ACOXL: variants seen among roughly 807,000 people sequenced by gnomAD.
The protein encoded by ACOXL is acyl-CoA oxidase like.
ACOXL carries 70 observed loss-of-function variants against 71.9 expected under a neutral mutation model. The ratio of observed to expected loss-of-function variants is 0.97; its 90% CI spans 0.80 to 1.19. ACOXL has a LOEUF of 1.19. ACOXL is among the 50% of genes most tolerant of loss of function. The pLI, the probability that ACOXL is intolerant of heterozygous loss-of-function variation, is 0.00. For synonymous variants in ACOXL, 253 were observed against 281.6 expected (o/e 0.90, Z 1.02); for missense variants, 703 against 736.3 (o/e 0.95, Z 0.52).
intron 16 of ACOXL, 92 bp from the exon 17 acceptor site, chr2:111,092,773 A>T: frequency 1.1e-6 from 1 of 874,830 alleles, no homozygotes; most frequent in Non-Finnish European, 1.9e-6. Flanking sequence ...ATGAAATGTA[A>T]TATTATGTTA....
At chr2:110,932,449 A>C (rs945376115) in intron 11 of ACOXL, among the ~76,000 whole-genome samples, 1 of 152,332 alleles carries the variant, frequency 6.6e-6, no homozygotes, top group South Asian at 2.1e-4. Context: ...TAAAGCAAAA[A>C]TAGGCATGAG....
chr2:110,873,908 G>C (rs1695574812), intron 10 of ACOXL, among the ~76,000 whole-genome samples: 1 of 152,222 alleles, frequency 6.6e-6, no homozygotes, highest in Non-Finnish European at 1.5e-5. Flanking sequence ...ACCAGTGTAT[G>C]AGGCTGAGGA....
At chr2:111,108,939 G>T (rs953156820) in intron 17 of ACOXL, among the ~76,000 whole-genome samples, 25 of 152,186 alleles carry the variant, frequency 1.6e-4, no homozygotes, top group African/African-American at 5.8e-4. Context: ...GATATTTGAT[G>T]ATTCATTCCT....
intron 14 of ACOXL, among the ~76,000 whole-genome samples, chr2:111,010,653 T>G (rs2064107905): frequency 6.6e-6 from 1 of 152,078 alleles, no homozygotes; most frequent in Non-Finnish European, 1.5e-5. Context: ...CATAGTATAA[T>G]TGCTGAAAAC....
chr2:110,839,973 T>TTTGTTGTTGTTGTTGTTTG (rs1553560154), intron 9 of ACOXL, among the ~76,000 whole-genome samples: 37 of 151,870 alleles, frequency 2.4e-4, no homozygotes, highest in African/African-American at 8.2e-4. Context: ...GATGCTTAGG[T>TTTGTTGTTGTTGTTGTTTG]TTGTTGTTGT....
intron 12 of ACOXL, among the ~76,000 whole-genome samples, chr2:110,986,119 A>G (rs2062921498): frequency 6.6e-6 from 1 of 152,262 alleles, no homozygotes. Context: ...TTAGTTAGCT[A>G]TGATTTATCA....
chr2:110,931,270 T>C (rs1473157041), intron 11 of ACOXL, among the ~76,000 whole-genome samples: 1 of 152,226 alleles, frequency 6.6e-6, no homozygotes, highest in Non-Finnish European at 1.5e-5. Flanking sequence ...AGCTGGAAGT[T>C]TGGCTGGGGC....
At chr2:111,101,217 T>C (rs1239199010) in intron 17 of ACOXL, 1 of 152,574 alleles carries the variant, frequency 6.6e-6, no homozygotes, top group Non-Finnish European at 1.5e-5. Flanking sequence ...CAGTCACTGC[T>C]TAGTGTCACA....
At chr2:110,968,498 A>T in intron 12 of ACOXL, 1 of 1,314,310 alleles carries the variant, frequency 7.6e-7, no homozygotes, top group Non-Finnish European at 1.1e-6. Context: ...TACAAGAAAC[A>T]GTTCTCTCAA....
chr2:110,952,010 G>T (rs1211273044), intron 12 of ACOXL, among the ~76,000 whole-genome samples: 1 of 152,108 alleles, frequency 6.6e-6, no homozygotes, highest in Non-Finnish European at 1.5e-5. Context: ...TGACTTGAGG[G>T]TGTTTCTTAT....
chr2:110,901,802 G>C (rs920856266), intron 10 of ACOXL, among the ~76,000 whole-genome samples: 6 of 152,064 alleles, frequency 3.9e-5, no homozygotes, highest in African/African-American at 1.4e-4. Context: ...GAGGTGGGTG[G>C]ATCACTTGAA....
At chr2:111,099,973 C>G (rs1442825870) in intron 17 of ACOXL, 2 of 152,222 alleles carry the variant, frequency 1.3e-5, no homozygotes, top group Non-Finnish European at 2.9e-5. Flanking sequence ...TAATCTCTTA[C>G]TTTATTTTAC....
Position 110,896,290 on chromosome 2 carries a change from T to A in ACOXL, c.789-12499T>A, listed in dbSNP as rs149966586. On this transcript the variant is annotated intron_variant, in intron 10 of 17. Coordinates refer to ENST00000439055, the MANE Select transcript of ACOXL (RefSeq NM_001142807.4). ...ATCAAAATGGAATTTTAGAAAATAT[T>A]CAAGTAACCTAAAGAAAGGCAAGAA... is the stretch of plus-strand genomic sequence containing the variant. Among the ~76,000 whole-genome samples, 696 of 152,000 alleles carry A rather than the reference T, an allele frequency of 4.6e-3. 2 individuals are homozygous for A. Among genetic ancestry groups the A allele is most frequent in the Non-Finnish European group, 7.8e-3 (532 of 67,936 alleles).
At chr2:110,972,432 T>A (rs1229100976) in intron 12 of ACOXL, among the ~76,000 whole-genome samples, 4 of 152,186 alleles carry the variant, frequency 2.6e-5, no homozygotes, top group African/African-American at 7.2e-5. Flanking sequence ...CCTCAAGTGA[T>A]GATCCAGCCG....
intron 9 of ACOXL, among the ~76,000 whole-genome samples, chr2:110,815,334 G>A (rs755476722): frequency 6.6e-6 from 1 of 152,166 alleles, no homozygotes; most frequent in Non-Finnish European, 1.5e-5. Context: ...GCCAAACCAT[G>A]TCAATCACTA....
chr2:110,856,762 T>G (rs532228727), intron 10 of ACOXL, among the ~76,000 whole-genome samples: 1 of 152,294 alleles, frequency 6.6e-6, no homozygotes, highest in Non-Finnish European at 1.5e-5. Context: ...CTCTCCCTGG[T>G]TTTAAACATT....
intron 9 of ACOXL, among the ~76,000 whole-genome samples, chr2:110,809,942 C>T (rs1016971802): frequency 2.2e-4 from 34 of 152,182 alleles, no homozygotes; most frequent in African/African-American, 8.2e-4. Flanking sequence ...CCCCTTCACC[C>T]AAGCTCTTCC....
At chr2:110,792,514 G>T (rs1684774027) in intron 3 of ACOXL, among the ~76,000 whole-genome samples, 1 of 152,142 alleles carries the variant, frequency 6.6e-6, no homozygotes, top group Admixed American at 6.5e-5. Context: ...GGCAGGCTGG[G>T]CATGGTGGCT....
chr2:110,844,550 C>CTTTTTT (rs72290322), intron 10 of ACOXL, among the ~76,000 whole-genome samples: 2 of 133,536 alleles, frequency 1.5e-5, no homozygotes, highest in Non-Finnish European at 3.2e-5. Flanking sequence ...CTTTTCTTTT[C>CTTTTTT]TTTTTTTTTT....
Sources: allele counts gnomAD v4.1 joint callset (sites outside exome capture counted in the v4.1 genomes callset), GRCh38; gene constraint gnomAD v4.1.1; transcripts MANE v1.5; gene names NCBI Gene and HGNC (gene_info 2026-07-23, HGNC 2026-07-21).